Variants in DBT observed in about 807,000 individuals in gnomAD.
DBT encodes the protein lipoamide acyltransferase component of branched-chain alpha-keto acid dehydrogenase complex, mitochondrial.
In DBT, 40 loss-of-function variants were observed where a neutral mutation model predicts 51.3. The ratio of observed to expected loss-of-function variants is 0.78; its 90% CI spans 0.61 to 1.02. The LOEUF (loss-of-function observed/expected upper bound fraction) is 1.02. DBT is among the 50% of genes least tolerant of loss of function. The pLI is 0.00. For synonymous variants in DBT, 181 were observed against 190.4 expected, an observed-to-expected ratio of 0.95 and a Z score of 0.41; for missense variants, 510 against 580.2, an observed-to-expected ratio of 0.88 and a Z score of 1.24.
intron 4 of DBT, among the ~76,000 whole-genome samples, chr1:100,218,966 T>C (rs1317686244): frequency 2.6e-5 from 4 of 152,110 alleles, no homozygotes; most frequent in Non-Finnish European, 4.4e-5. Context: ...CCTGGTACTT[T>C]TTAATTATTA....
intron 10 of DBT, among the ~76,000 whole-genome samples, chr1:100,198,875 A>C (rs947861551): frequency 6.6e-6 from 1 of 152,218 alleles, no homozygotes; most frequent in African/African-American, 2.4e-5. Context: ...GCAAGGAATA[A>C]ACTCATGAGG....
chr1:100,197,801 A>C (rs1661200028), intron 10 of DBT, among the ~76,000 whole-genome samples: 1 of 152,220 alleles, frequency 6.6e-6, no homozygotes, highest in African/African-American at 2.4e-5. Context: ...AATACTGAGA[A>C]TTGAGTAACA....
intron 2 of DBT, among the ~76,000 whole-genome samples, chr1:100,238,962 A>G (rs1422390737): frequency 6.6e-6 from 1 of 152,220 alleles, no homozygotes; most frequent in Non-Finnish European, 1.5e-5. Context: ...AGAAACCTTA[A>G]TAAGTATCCA....
At position 100,244,737 on chromosome 1, in the gene DBT, T is replaced by A. The variant is rs1664441425; in HGVS notation, c.52-3853A>T. On this transcript the variant is annotated intron_variant, in intron 1 of 10. Transcript: ENST00000370132. ...GTAATAATAATAACTGATAATAAAA[T>A]AGAAAAATTATAATAATATACTGTA... is the stretch of plus-strand genomic sequence containing the variant. Among the ~76,000 whole-genome samples, 3 of 151,936 alleles carry A rather than the reference T, an allele frequency of 2.0e-5. No homozygotes were observed. The South Asian group carries it at 6.2e-4, about 31-fold the overall frequency.
intron 1 of DBT, among the ~76,000 whole-genome samples, chr1:100,241,628 C>T (rs1334147196): frequency 6.6e-6 from 1 of 152,172 alleles, no homozygotes; most frequent in Non-Finnish European, 1.5e-5. Flanking sequence ...AAGTCCTGAG[C>T]TCAAGCAATC....
intron 1 of DBT, among the ~76,000 whole-genome samples, chr1:100,241,139 C>T (rs1664184683): frequency 1.3e-5 from 2 of 152,008 alleles, no homozygotes; most frequent in Non-Finnish European, 2.9e-5. Flanking sequence ...ACTTCCTGAA[C>T]TAAAACTACT....
intron 1 of DBT, chr1:100,249,281 CAA>C (rs1394737711): frequency 4.2e-6 from 1 of 237,208 alleles, no homozygotes; most frequent in African/African-American, 2.2e-5. Context: ...AAGTACAAGG[CAA>C]AAGAGTGACG....
intron 3 of DBT, among the ~76,000 whole-genome samples, chr1:100,234,473 CAAA>C (rs554699734): frequency 1.7e-5 from 2 of 120,092 alleles, no homozygotes; most frequent in Non-Finnish European, 1.8e-5. Flanking sequence ...TCATCTCTAC[CAAA>C]AAAAAAAAAA....
intron 3 of DBT, among the ~76,000 whole-genome samples, chr1:100,232,377 C>G (rs546916179): frequency 1.7e-4 from 26 of 152,002 alleles, no homozygotes; most frequent in Non-Finnish European, 3.5e-4. Context: ...TGGCCTCAAG[C>G]AGTCCTCCCA....
chr1:100,194,163 T>A lies in DBT; in HGVS notation c.*2092A>T, dbSNP rs1055914530. On this transcript the variant is annotated 3_prime_UTR_variant, in exon 11 of 11. Coordinates refer to ENST00000370132, the MANE Select transcript of DBT (RefSeq NM_001918.5). ...ACAACAGCATTTATTTGACCTGTTTTTTTTATTTTATTTTATTTTTTAGAG... is the reference window on the plus strand; with the variant it reads ...ACAACAGCATTTATTTGACCTGTTTATTTTATTTTATTTTATTTTTTAGAG... 29 of 152,102 alleles carry A rather than the reference T, an allele frequency of 1.9e-4. No homozygotes were observed. The highest frequency in any genetic ancestry group is 3.8e-4 in the East Asian group (2 of 5,202). The allele number at this position is 152,102 out of a possible 1,614,324, so 9.4% of individuals were successfully genotyped here.
In DBT at chr1:100,216,115, C is replaced by T. The variant is rs1557949094; in HGVS notation, c.640G>A (p.Gly214Arg). 1 of 1,613,828 alleles carries T rather than the reference C, an allele frequency of 6.2e-7. No individual in the cohort carries two copies. The highest frequency in any genetic ancestry group is 8.5e-7 in the Non-Finnish European group (1 of 1,179,764). ...DILNYLEKQTGAILPPSPKVE... is the reference protein window; with the variant it reads ...DILNYLEKQTRAILPPSPKVE... ...TTGGGTGAAGGAGGCAATATAGCTC[C>T]TGTCTGCTTTTCCAAATAGTTGAGG... The change falls in exon 6 of 11, where the codon GGA becomes AGA. Residue 214 changes from glycine (G) to arginine (R), a missense_variant. Coordinates refer to ENST00000370132, the MANE Select transcript of DBT (RefSeq NM_001918.5).
chr1:100,203,702 A>G (rs1661583959), intron 10 of DBT, among the ~76,000 whole-genome samples: 2 of 152,262 alleles, frequency 1.3e-5, no homozygotes, highest in Non-Finnish European at 2.9e-5. Context: ...AAAATCCTCA[A>G]TAAAACACTG....
intron 4 of DBT, among the ~76,000 whole-genome samples, chr1:100,226,132 G>A (rs1486452233): frequency 6.6e-6 from 1 of 151,958 alleles, no homozygotes; most frequent in African/African-American, 2.4e-5. Flanking sequence ...GACATCCATA[G>A]TACTGTTCAG....
At chr1:100,203,766 C>T (rs1661586837) in intron 10 of DBT, among the ~76,000 whole-genome samples, 1 of 152,198 alleles carries the variant, frequency 6.6e-6, no homozygotes, top group South Asian at 2.1e-4. Context: ...ATCAAGTCGG[C>T]TTCATCCCTA....
At chr1:100,216,367 C>T (rs145218054) in intron 5 of DBT, among the ~76,000 whole-genome samples, 168 bp from the exon 6 acceptor site, 72 of 152,280 alleles carry the variant, frequency 4.7e-4, no homozygotes, top group African/African-American at 1.6e-3. Flanking sequence ...TTTGTATATA[C>T]TGTTCACATA....
chr1:100,244,063 C>CA (rs1162401280), intron 1 of DBT, among the ~76,000 whole-genome samples: 35,152 of 78,764 alleles, frequency 0.45, 6,852 homozygotes, highest in Middle Eastern at 0.52. Flanking sequence ...AATTCTATCT[C>CA]AAAAAAAAAA....
rs1482696464 is a variant in DBT at position 100,214,983 on chromosome 1, C to A, written c.773G>T (p.Gly258Val). The change falls in exon 7 of 11, where the codon GGC becomes GTC. Residue 258 changes from glycine to valine, a missense_variant and splice_region_variant. Physicochemically the swap from Gly to Val is moderately radical, Grantham distance 109. Coordinates refer to ENST00000370132, the MANE Select transcript of DBT (RefSeq NM_001918.5). Reference protein sequence around the residue: ...TGKDKTEPIKGFQKAMVKTMS... With the variant: ...TGKDKTEPIKVFQKAMVKTMS... ...AGTCTTGACCATTGCTTTTTGAAAG[C>A]CTGAAAAGCATTAAATTGTTATTCA... 4 of 1,601,944 alleles carry A rather than the reference C, an allele frequency of 2.5e-6. No individual in the cohort carries two copies. In the African/African-American group the frequency reaches 4.0e-5, roughly 16 times the overall value.
At chr1:100,239,979 A>C (rs1570846363) in intron 2 of DBT, among the ~76,000 whole-genome samples, 1 of 152,136 alleles carries the variant, frequency 6.6e-6, no homozygotes, top group East Asian at 1.9e-4. Flanking sequence ...CAAAAACTTA[A>C]TAGTGTAACA....
intron 10 of DBT, 33 bp from the exon 11 acceptor site, chr1:100,196,455 AAAAAGAAC>A: frequency 7.2e-7 from 1 of 1,391,716 alleles, no homozygotes; most frequent in African/African-American, 1.6e-5. Context: ...AAAAAAAAAA[AAAAAGAAC>A]AAAGAGTAAA....
Sources: allele counts gnomAD v4.1 joint callset (sites outside exome capture counted in the v4.1 genomes callset), GRCh38; gene constraint gnomAD v4.1.1; transcripts MANE v1.5; gene names NCBI Gene and HGNC (gene_info 2026-07-23, HGNC 2026-07-21).